PPP1R12A: variants seen among roughly 807,000 people sequenced by gnomAD.
PPP1R12A encodes protein phosphatase 1 regulatory subunit 12A, also known as myosin binding subunit.
In PPP1R12A, 19 loss-of-function variants were observed where a neutral mutation model predicts 139.6. The ratio of observed to expected loss-of-function variants is 0.14; its 90% CI spans 0.09 to 0.20. The LOEUF (loss-of-function observed/expected upper bound fraction) is 0.20. Ranked by LOEUF, PPP1R12A falls within the 10% of genes least tolerant of loss-of-function variation. The pLI, the probability that PPP1R12A is intolerant of heterozygous loss-of-function variation, is 1.00. For missense variants in PPP1R12A, 925 were observed against 1,211.5 expected, an observed-to-expected ratio of 0.76 and a Z score of 3.51; for synonymous variants, 427 against 420.6, an observed-to-expected ratio of 1.02 and a Z score of -0.19.
intron 1 of PPP1R12A, among the ~76,000 whole-genome samples, chr12:79,928,611 A>T (rs1888023892): frequency 6.6e-6 from 1 of 152,196 alleles, no homozygotes; most frequent in South Asian, 2.1e-4. Context: ...TGCTCTTTAA[A>T]AGTTATCCAG....
chr12:79,811,690 T>C (rs569058489), intron 9 of PPP1R12A, among the ~76,000 whole-genome samples: 1 of 152,328 alleles, frequency 6.6e-6, no homozygotes, highest in South Asian at 2.1e-4. Context: ...AATACACAAA[T>C]GATTGAGTGT....
intron 22 of PPP1R12A, among the ~76,000 whole-genome samples, chr12:79,784,567 CATT>C (rs1284775377): frequency 6.6e-6 from 1 of 152,190 alleles, no homozygotes; most frequent in Admixed American, 6.5e-5. Flanking sequence ...ACAGAGAAGG[CATT>C]AAGTAGCGGA....
rs911730621 is a variant in PPP1R12A, at chr12:79,934,679, G to A, written c.237+16C>T. 1.2e-5 allele frequency: 18 copies of A among 1,510,016 alleles called. No homozygotes were observed. The highest frequency in any genetic ancestry group is 4.1e-5 in the Admixed American group (2 of 48,308). 93.5% of individuals were successfully genotyped at this position (1,510,016 alleles called of 1,614,324 possible). ...AACCCTCACGGTCAGGAGAGCCGGC[G>A]GCGGGGCGCACAGACCTGGTGCAGG... On this transcript the variant is annotated intron_variant, in intron 1 of 24. Transcript: ENST00000450142.
intron 2 of PPP1R12A, among the ~76,000 whole-genome samples, chr12:79,867,252 A>G (rs1303811882): frequency 1.3e-5 from 2 of 152,170 alleles, no homozygotes; most frequent in African/African-American, 4.8e-5. Context: ...TCTCACTCAT[A>G]AGTGGGAATT....
chr12:79,880,561 C>T (rs980629735), intron 1 of PPP1R12A, among the ~76,000 whole-genome samples: 17 of 152,160 alleles, frequency 1.1e-4, no homozygotes, highest in African/African-American at 2.6e-4. Context: ...CCATCAGTAA[C>T]GGTGGCTCAA....
chr12:79,879,982 C>T (rs1452711583), intron 1 of PPP1R12A, among the ~76,000 whole-genome samples: 1 of 152,130 alleles, frequency 6.6e-6, no homozygotes, highest in African/African-American at 2.4e-5. Flanking sequence ...CAAATGCAAT[C>T]CTTCTTTTAA....
rs200825139 is a variant in PPP1R12A, at chr12:79,869,903, CTATTATTAT to C, written c.368+2896_368+2904del. ...ACCCCCTGGGTTATAACTATTGTCT[CTATTATTAT>C]TATTATTATTATTATTATTATTATA... On this transcript the variant is annotated intron_variant, in intron 2 of 24. Coordinates refer to ENST00000450142, the MANE Select transcript of PPP1R12A (RefSeq NM_002480.3). Among the ~76,000 whole-genome samples the C allele has an allele frequency of 6.0e-3, 875 of 145,446 alleles. 5 individuals carry two copies. The highest frequency in any genetic ancestry group is 0.02 in the African/African-American group (770 of 38,824).
chr12:79,881,734 A>G (rs142246504), intron 1 of PPP1R12A, among the ~76,000 whole-genome samples: 6 of 152,346 alleles, frequency 3.9e-5, no homozygotes, highest in Non-Finnish European at 7.3e-5. Context: ...GATGACATGT[A>G]GCACTTTTAT....
In PPP1R12A at chr12:79,773,890, C is replaced by T. The variant is rs1164026609; in HGVS notation, c.*2039G>A. 6.6e-6 allele frequency: 1 copy of T among 152,060 alleles called. No individual in the cohort carries two copies. Among genetic ancestry groups the T allele is most frequent in the East Asian group, 1.9e-4 (1 of 5,198 alleles). 9.4% of individuals were successfully genotyped at this position (152,060 alleles called of 1,614,324 possible). ...TTTATTTCCAAAATAGTGGGTTTTG[C>T]AACTAGTTTCATGCAGAAACAAGGT... On this transcript the variant is annotated 3_prime_UTR_variant, in exon 25 of 25. Coordinates refer to ENST00000450142, the MANE Select transcript of PPP1R12A (RefSeq NM_002480.3).
At chr12:79,854,214 T>C (rs1488073281) in intron 2 of PPP1R12A, among the ~76,000 whole-genome samples, 1 of 152,038 alleles carries the variant, frequency 6.6e-6, no homozygotes, top group African/African-American at 2.4e-5. Context: ...ATACTGTGTG[T>C]GTGTGGCGGG....
At chr12:79,914,897 G>A (rs1016325760) in intron 1 of PPP1R12A, among the ~76,000 whole-genome samples, 4 of 151,844 alleles carry the variant, frequency 2.6e-5, no homozygotes, top group African/African-American at 9.7e-5. Context: ...ACAATAATGA[G>A]AAACTTAGAG....
At chr12:79,808,741 A>G (rs1304681749) in intron 10 of PPP1R12A, among the ~76,000 whole-genome samples, 164 bp from the exon 11 acceptor site, 1 of 152,182 alleles carries the variant, frequency 6.6e-6, no homozygotes, top group Non-Finnish European at 1.5e-5. Context: ...ATGTCAATCA[A>G]TAATCAGCCT....
intron 3 of PPP1R12A, 47 bp from the exon 4 acceptor site, chr12:79,832,538 C>A: frequency 2.6e-6 from 4 of 1,513,168 alleles, no homozygotes; most frequent in South Asian, 2.6e-5. Context: ...AAAAATTGTT[C>A]CATGTTGGGA....
At chr12:79,859,486 A>G (rs1264539624) in intron 2 of PPP1R12A, among the ~76,000 whole-genome samples, 1 of 152,194 alleles carries the variant, frequency 6.6e-6, no homozygotes, top group Non-Finnish European at 1.5e-5. Context: ...TATAAAATAA[A>G]GGCTATAATG....
rs374779991 is a variant in PPP1R12A at position 79,934,966 on chromosome 12, G to C, written c.-35C>G. 27 of 1,548,168 alleles carry C rather than the reference G, an allele frequency of 1.7e-5. No individual in the cohort carries two copies. The highest frequency in any genetic ancestry group is 2.4e-5 in the East Asian group (1 of 41,792). On this transcript the variant is annotated 5_prime_UTR_variant, in exon 1 of 25. Coordinates refer to ENST00000450142, the MANE Select transcript of PPP1R12A (RefSeq NM_002480.3). ...TGCCGCCGGGTCTTCTTATCGCGAG[G>C]GGGGGAAGGGGGAGGCGGAGAGGGA...
chr12:79,833,223 T>C (rs935736506), intron 3 of PPP1R12A, among the ~76,000 whole-genome samples: 2 of 151,914 alleles, frequency 1.3e-5, no homozygotes, highest in African/African-American at 4.8e-5. Context: ...CGAGCAATGA[T>C]CATGCCACTG....
chr12:79,866,196 C>T (rs1004664104), intron 2 of PPP1R12A, among the ~76,000 whole-genome samples: 1 of 152,146 alleles, frequency 6.6e-6, no homozygotes. Context: ...CTTTGACAAA[C>T]CTGACACACA....
Position 79,788,752 on chromosome 12 carries a change from G to T in PPP1R12A, c.2698C>A (p.Arg900=). The part of the protein sequence containing the change: ...YETSSTSAGD[R]YDSLLGRSGS... ...GAGCGACCCAGCAAGGAATCATATC[G>T]ATCACCAGCTGATGTAGAACTGGTT... is the stretch of plus-strand genomic sequence containing the variant. Residue 900 remains arginine, a synonymous_variant, in exon 21 of 25, where the codon CGA becomes AGA. Coordinates refer to ENST00000450142, the MANE Select transcript of PPP1R12A (RefSeq NM_002480.3). 6.2e-7 allele frequency: 1 copy of T among 1,611,384 alleles called. No homozygotes were observed. The highest frequency in any genetic ancestry group is 1.3e-5 in the African/African-American group (1 of 74,928).
intron 22 of PPP1R12A, among the ~76,000 whole-genome samples, chr12:79,783,763 A>T (rs1290025414): frequency 6.6e-6 from 1 of 152,208 alleles, no homozygotes; most frequent in Non-Finnish European, 1.5e-5. Flanking sequence ...AGATTTTAGC[A>T]ATTATATGTG....
Sources: gnomAD v4.1 joint callset for allele counts (sites outside exome capture counted in the v4.1 genomes callset) on GRCh38, gnomAD v4.1.1 for gene constraint, MANE v1.5 for transcripts, NCBI Gene and HGNC (gene_info 2026-07-23, HGNC 2026-07-21) for gene names.